Variants in GRID2 observed in about 807,000 individuals in gnomAD.
GRID2 encodes glutamate receptor ionotropic, delta-2.
GRID2 carries 33 observed loss-of-function variants against 114.8 expected under a neutral mutation model. The observed-to-expected ratio is 0.29, with a 90% CI of 0.22 to 0.38. GRID2 has a LOEUF of 0.38. GRID2 is among the 10% of genes least tolerant of loss of function. The probability of loss-of-function intolerance (pLI) is 1.00; values close to 1 mark genes in which losing one functional copy is unlikely to be tolerated. For missense variants in GRID2, 1,184 were observed against 1,257.7 expected, an observed-to-expected ratio of 0.94 and a Z score of 0.89; for synonymous variants, 505 against 449.9, an observed-to-expected ratio of 1.12 and a Z score of -1.55.
At chr4:92,784,741 C>G (rs1239996235) in intron 2 of GRID2, among the ~76,000 whole-genome samples, 1 of 151,762 alleles carries the variant, frequency 6.6e-6, no homozygotes, top group East Asian at 1.9e-4. Flanking sequence ...TATTTCTTTT[C>G]AAGCTATCAT....
chr4:92,968,838 C>A (rs1351242752), intron 2 of GRID2, among the ~76,000 whole-genome samples: 2 of 151,756 alleles, frequency 1.3e-5, no homozygotes, highest in Non-Finnish European at 2.9e-5. Flanking sequence ...TTTTCACTTA[C>A]TATAATCAAA....
At chr4:93,405,486 C>G (rs1766321812) in intron 9 of GRID2, among the ~76,000 whole-genome samples, 1 of 152,084 alleles carries the variant, frequency 6.6e-6, no homozygotes, top group Non-Finnish European at 1.5e-5. Context: ...AATTCTTAGA[C>G]TAATCAATGA....
rs757352968 is a variant in GRID2 at position 93,110,903 on chromosome 4, C to A, written c.685C>A (p.Arg229=). ...GAATCGCTATCGAGACACTCTTAGG[C>A]GAGCGATCCTTGTTATGAATCCTGC... The part of the protein sequence containing the change: ...ELNRYRDTLR[R]AILVMNPATA... Residue 229 remains arginine (R), a synonymous_variant, in exon 4 of 16, where the codon CGA becomes AGA. Transcript: ENST00000282020. 6.2e-7 allele frequency: 1 copy of A among 1,612,786 alleles called. No individual in the cohort carries two copies. Among genetic ancestry groups the A allele is most frequent in the South Asian group, 1.1e-5 (1 of 91,060 alleles).
At chr4:92,873,265 C>T (rs757002951) in intron 2 of GRID2, among the ~76,000 whole-genome samples, 1 of 152,068 alleles carries the variant, frequency 6.6e-6, no homozygotes, top group Non-Finnish European at 1.5e-5. Context: ...TTCACAGACT[C>T]ATTTACTGAG....
intron 8 of GRID2, among the ~76,000 whole-genome samples, chr4:93,369,240 G>A (rs918036908): frequency 1.3e-5 from 2 of 152,092 alleles, no homozygotes; most frequent in Admixed American, 6.6e-5. Context: ...TGCCTCCATG[G>A]CCATGTTGCC....
intron 8 of GRID2, among the ~76,000 whole-genome samples, chr4:93,356,443 A>G (rs1056817850): frequency 3.3e-5 from 5 of 151,800 alleles, no homozygotes; most frequent in African/African-American, 1.2e-4. Context: ...TACTTTAAGA[A>G]CCACTAATTT....
chr4:92,495,307 C>T (rs1443163049), intron 1 of GRID2, among the ~76,000 whole-genome samples: 1 of 151,932 alleles, frequency 6.6e-6, no homozygotes, highest in Non-Finnish European at 1.5e-5. Context: ...AAACTATTTC[C>T]TAGAATCTAG....
chr4:92,354,841 T>C (rs1728238932), intron 1 of GRID2, among the ~76,000 whole-genome samples: 1 of 151,984 alleles, frequency 6.6e-6, no homozygotes, highest in Non-Finnish European at 1.5e-5. Context: ...TGAGAAATCT[T>C]AAGGGGACTT....
chr4:93,498,038 TTG>T (rs1243182647), intron 12 of GRID2, among the ~76,000 whole-genome samples: 1 of 151,894 alleles, frequency 6.6e-6, no homozygotes, highest in Non-Finnish European at 1.5e-5. Flanking sequence ...TGTACATGTT[TTG>T]TTAGATTTGT....
intron 2 of GRID2, among the ~76,000 whole-genome samples, chr4:92,786,695 A>G (rs182342093): frequency 5.3e-5 from 8 of 152,084 alleles, no homozygotes; most frequent in Admixed American, 3.3e-4. Context: ...TTGGCAAAAC[A>G]AAAAGAAAAG....
At chr4:92,583,722 C>G (rs1230656787) in intron 1 of GRID2, among the ~76,000 whole-genome samples, 1 of 149,612 alleles carries the variant, frequency 6.7e-6, no homozygotes, top group Non-Finnish European at 1.5e-5. Flanking sequence ...TAAACACACG[C>G]ACAAATAAGC....
chr4:93,371,728 A>G (rs1044615231), intron 8 of GRID2, among the ~76,000 whole-genome samples: 3 of 150,466 alleles, frequency 2.0e-5, no homozygotes, highest in Non-Finnish European at 3.0e-5. Context: ...TGGTATATAC[A>G]TAATCACTAT....
chr4:93,584,559 T>G (rs1208169176), intron 13 of GRID2, among the ~76,000 whole-genome samples: 1 of 152,116 alleles, frequency 6.6e-6, no homozygotes, highest in Non-Finnish European at 1.5e-5. Context: ...TTTATTCTCT[T>G]TTTGTAAGAG....
chr4:93,660,179 C>A (rs1463964881), intron 14 of GRID2, among the ~76,000 whole-genome samples: 2 of 152,048 alleles, frequency 1.3e-5, no homozygotes, highest in Non-Finnish European at 2.9e-5. Flanking sequence ...GTATTTCTAG[C>A]TACATTTACT....
At chr4:92,793,435 T>C (rs1450383480) in intron 2 of GRID2, among the ~76,000 whole-genome samples, 1 of 151,612 alleles carries the variant, frequency 6.6e-6, no homozygotes, top group African/African-American at 2.4e-5. Flanking sequence ...GAAAAATAAC[T>C]AATGGGTACT....
chr4:92,627,509 G>T (rs905487336), intron 2 of GRID2, among the ~76,000 whole-genome samples: 2 of 152,066 alleles, frequency 1.3e-5, no homozygotes, highest in Non-Finnish European at 2.9e-5. Context: ...TTAGCTGAGT[G>T]TACATTCTCT....
intron 8 of GRID2, among the ~76,000 whole-genome samples, chr4:93,294,406 A>T (rs2149153965): frequency 6.6e-6 from 1 of 152,306 alleles, no homozygotes; most frequent in Non-Finnish European, 1.5e-5. Context: ...AGGATTGCTA[A>T]CTAGCCTATG....
intron 14 of GRID2, among the ~76,000 whole-genome samples, chr4:93,650,712 A>G (rs1053806687): frequency 2.0e-5 from 3 of 152,164 alleles, no homozygotes; most frequent in African/African-American, 7.2e-5. Flanking sequence ...CCTAGTTTAA[A>G]TCTAAGAACT....
intron 2 of GRID2, among the ~76,000 whole-genome samples, chr4:92,811,874 A>T (rs1369770606): frequency 6.6e-6 from 1 of 152,126 alleles, no homozygotes; most frequent in African/African-American, 2.4e-5. Flanking sequence ...GTACTTCTTT[A>T]TGCTTAGATT....
Sources: gnomAD v4.1 joint callset for allele counts (sites outside exome capture counted in the v4.1 genomes callset) on GRCh38, gnomAD v4.1.1 for gene constraint, MANE v1.5 for transcripts, NCBI Gene and HGNC (gene_info 2026-07-23, HGNC 2026-07-21) for gene names.